Variants in KNDC1 observed in about 807,000 individuals in gnomAD.
KNDC1 encodes kinase non-catalytic C-lobe domain-containing protein 1.
Under a neutral mutation model 172.8 loss-of-function variants are expected in KNDC1, and 106 were observed. That is an observed-to-expected ratio of 0.61 (90% CI 0.52 to 0.72). The LOEUF is 0.72. Among genes scored for constraint, KNDC1 ranks in the 30% least tolerant of loss-of-function variants. KNDC1 has a pLI of 0.00. For synonymous variants in KNDC1, 1,083 were observed against 1,062.2 expected, an observed-to-expected ratio of 1.02 and a Z score of -0.38; for missense variants, 2,325 against 2,394.5, an observed-to-expected ratio of 0.97 and a Z score of 0.61.
intron 7 of KNDC1, 116 bp downstream of exon 7, chr10:133,188,769 C>A: frequency 8.5e-6 from 5 of 588,558 alleles, no homozygotes; most frequent in East Asian, 2.9e-5. Context: ...CACGCCCCCC[C>A]ACTGTCCCAT....
chr10:133,186,297 G>T lies in KNDC1; in HGVS notation c.949G>T (p.Glu317Ter), dbSNP rs1195388230. 8.1e-6 allele frequency: 13 copies of T among 1,611,612 alleles called. No individual in the cohort carries two copies. The highest frequency in any genetic ancestry group is 1.1e-5 in the Non-Finnish European group (13 of 1,179,608). Reference protein sequence around the residue: ...TFPRLLSDSPEATLCLPLTRG... With the variant: ...TFPRLLSDSP ...CCCTAGGCTGCTGTCCGACAGCCCC[G>T]AGGCCACCCTCTGCCTGCCGCTGAC... The change falls in exon 6 of 30, where the codon GAG becomes TAG. Residue 317 changes from glutamate (E) to a stop codon, truncating the protein, a stop_gained. Transcript: ENST00000304613. LOFTEE classifies it high-confidence loss of function.
chr10:133,219,917 CTG>C, intron 28 of KNDC1, 36 bp from the exon 29 acceptor site: 1 of 1,537,958 alleles, frequency 6.5e-7, no homozygotes, highest in Non-Finnish European at 8.8e-7. Context: ...TGACCACGCC[CTG>C]TCTCTCCCCG....
chr10:133,166,358 C>T (rs1853152684), intron 1 of KNDC1, among the ~76,000 whole-genome samples: 2 of 152,362 alleles, frequency 1.3e-5, no homozygotes, highest in South Asian at 2.1e-4. Context: ...AGAGGGCCTT[C>T]AGCTCCATAC....
intron 5 of KNDC1, among the ~76,000 whole-genome samples, chr10:133,185,730 C>G (rs1853879715): frequency 6.7e-6 from 1 of 149,626 alleles, no homozygotes; most frequent in South Asian, 2.2e-4. Context: ...GAGAGGCAGC[C>G]CCAGCCTCTA....
intron 1 of KNDC1, among the ~76,000 whole-genome samples, chr10:133,162,300 G>GGCAAGTGGCT (rs5789152): frequency 0.62 from 93,999 of 151,548 alleles, 29,310 homozygotes; most frequent in Admixed American, 0.71. Flanking sequence ...TCTCCATCGG[G>GGCAAGTGGCT]GCACCTGACT....
chr10:133,186,401 C>A lies in KNDC1; in HGVS notation c.1053C>A (p.Gly351=), dbSNP rs749340820. ...PRKAFLDRKN[G]LSSFQAQPKC... ...AGGCCTTTCTGGACAGGAAAAATGG[C>A]CTTTCTAGCTTCCAGGCTCAGCCCA... Residue 351 remains glycine, a synonymous_variant, in exon 6 of 30, where the codon GGC becomes GGA. Transcript: ENST00000304613. The A allele has an allele frequency of 6.2e-7, 1 of 1,612,744 alleles. No individual in the cohort carries two copies. The highest frequency in any genetic ancestry group is 1.1e-5 in the South Asian group (1 of 91,082).
In KNDC1 at chr10:133,201,670, C is replaced by T. The variant is rs774250740; in HGVS notation, c.3159C>T (p.Asp1053=). Residue 1053 remains aspartate, a synonymous_variant, in exon 17 of 30, where the codon GAC becomes GAT. Transcript: ENST00000304613. ...CGCAGCAGCCTGAGGCTGGCGAGGA[C>T]AGACGGCCAGCTGGCGGGGCCTCAG... is the stretch of plus-strand genomic sequence containing the variant. ...ERAQQPEAGE[D]RRPAGGASDV... 3.0e-5 allele frequency: 49 copies of T among 1,612,600 alleles called. No homozygotes were observed. The highest frequency in any genetic ancestry group is 4.0e-5 in the Non-Finnish European group (47 of 1,179,896).
intron 5 of KNDC1, among the ~76,000 whole-genome samples, chr10:133,184,567 C>G (rs1298145671): frequency 6.6e-6 from 1 of 152,264 alleles, no homozygotes; most frequent in African/African-American, 2.4e-5. Context: ...TCACACTGCA[C>G]ACGCCCACAC....
At position 133,169,566 on chromosome 10, in the gene KNDC1, C is replaced by T. The variant is rs578023091; in HGVS notation, c.360+1254C>T. Among the ~76,000 whole-genome samples, 71 of 152,226 alleles carry T rather than the reference C, an allele frequency of 4.7e-4. No individual in the cohort carries two copies. The East Asian group carries it at 0.013, about 27-fold the overall frequency. ...TCACCCTGGGAGGTGGGCAGGGTGC[C>T]CCAGGAGGCCTCTGCTGCGGGGGTC... On this transcript the variant is annotated intron_variant, in intron 3 of 29. Transcript: ENST00000304613.
At chr10:133,202,601 G>T in intron 17 of KNDC1, 1 of 456,546 alleles carries the variant, frequency 2.2e-6, no homozygotes, top group South Asian at 1.5e-5. Flanking sequence ...CGTCTGCCTC[G>T]AGCTGAGCCA....
At chr10:133,210,364 CAAAAAAA>C (rs57759593) in intron 20 of KNDC1, among the ~76,000 whole-genome samples, 8 of 74,446 alleles carry the variant, frequency 1.1e-4, no homozygotes, top group Admixed American at 3.6e-4. Flanking sequence ...GAAACTCTGC[CAAAAAAA>C]AAAAAAAAAA....
chr10:133,214,569 C>T (rs1348459545), intron 26 of KNDC1, among the ~76,000 whole-genome samples: 1 of 152,200 alleles, frequency 6.6e-6, no homozygotes, highest in Non-Finnish European at 1.5e-5. Flanking sequence ...CGCCACACAC[C>T]CCACTCCACC....
rs557798036 is a variant in KNDC1, at chr10:133,212,777, C to G, written c.4298C>G (p.Pro1433Arg). ...GTGCTGCCGCCACACAAGGAGCGCC[C>G]CTACACCATTGCTGCCGCCCTGCCC... ...GLVLPPHKER[P>R]YTIAAALPKP... The change falls in exon 24 of 30, where the codon CCC becomes CGC. Residue 1433 changes from proline (P) to arginine (R), a missense_variant. Coordinates refer to ENST00000304613, the MANE Select transcript of KNDC1 (RefSeq NM_152643.8). 3.7e-6 allele frequency: 6 copies of G among 1,613,828 alleles called. No homozygotes were observed. The highest frequency in any genetic ancestry group is 5.1e-6 in the Non-Finnish European group (6 of 1,179,950).
chr10:133,171,483 G>A (rs1853375093), intron 3 of KNDC1, among the ~76,000 whole-genome samples: 1 of 152,158 alleles, frequency 6.6e-6, no homozygotes, highest in South Asian at 2.1e-4. Context: ...TGTTGCCCAG[G>A]CTGGTCTTGA....
intron 12 of KNDC1, 133 bp from the exon 13 acceptor site, chr10:133,198,203 GC>G: frequency 9.4e-7 from 1 of 1,060,382 alleles, no homozygotes; most frequent in Non-Finnish European, 1.3e-6. Flanking sequence ...CACAGAGGAA[GC>G]CCCCAGGGCC....
At chr10:133,177,442 TGTG>T (rs59373056) in intron 3 of KNDC1, among the ~76,000 whole-genome samples, 59,343 of 151,890 alleles carry the variant, frequency 0.39, 13,415 homozygotes, top group South Asian at 0.65. Context: ...ATGAATGTAA[TGTG>T]GTATGCATCT....
At chr10:133,207,467 G>A in intron 20 of KNDC1, 116 bp downstream of exon 20, 1 of 972,218 alleles carries the variant, frequency 1.0e-6, no homozygotes, top group South Asian at 1.6e-5. Flanking sequence ...TTAGTTTAGA[G>A]AAATGTTTAA....
chr10:133,193,786 G>A, intron 9 of KNDC1, among the ~76,000 whole-genome samples: 1 of 152,160 alleles, frequency 6.6e-6, no homozygotes, highest in East Asian at 1.9e-4. Flanking sequence ...ATTAATATCA[G>A]GTTAAGTGTA....
intron 5 of KNDC1, among the ~76,000 whole-genome samples, chr10:133,185,429 G>C (rs867045396): frequency 0.037 from 3,057 of 83,010 alleles, 155 homozygotes; most frequent in East Asian, 0.11. Flanking sequence ...GGAGTAGGCA[G>C]TGTGTGCAGT....
Sources: allele counts gnomAD v4.1 joint callset (sites outside exome capture counted in the v4.1 genomes callset), GRCh38; gene constraint gnomAD v4.1.1; transcripts MANE v1.5; gene names NCBI Gene and HGNC (gene_info 2026-07-23, HGNC 2026-07-21).